The following RPL27 variants were observed in gnomAD, a reference collection of about 807,000 sequenced individuals.
RPL27 encodes large ribosomal subunit protein eL27.
For synonymous variants in RPL27, 77 were observed against 61.0 expected, an observed-to-expected ratio of 1.26 and a Z score of -1.22; for missense variants, 131 against 174.3, an observed-to-expected ratio of 0.75 and a Z score of 1.40.
chr17:43,000,578 C>T (rs1439268571), intron 3 of RPL27, among the ~76,000 whole-genome samples: 1 of 149,980 alleles, frequency 6.7e-6, no homozygotes. Flanking sequence ...GCTGGGAGTA[C>T]AGGCACCTGC....
At chr17:43,001,744 A>G (rs2151965883) in intron 3 of RPL27, among the ~76,000 whole-genome samples, 1 of 151,900 alleles carries the variant, frequency 6.6e-6, no homozygotes, top group Non-Finnish European at 1.5e-5. Context: ...AACTTGAACA[A>G]TAAGGAAATG....
chr17:42,999,001 G>A lies in RPL27; in HGVS notation c.81+170G>A, dbSNP rs2050330408. 5 of 584,500 alleles carry A rather than the reference G, an allele frequency of 8.6e-6. 1 individual carries two copies. Among genetic ancestry groups the A allele is most frequent in the South Asian group, 7.8e-5 (4 of 51,330 alleles). The allele number at this position is 584,500 out of a possible 1,614,324, so 36.2% of individuals were successfully genotyped here. Reference sequence around the variant, plus strand: ...AGGAAGAAGCACAGTAAAAGCAAATGTGAGCTGAATTGGGCTCCCAACGCA... The same window carrying A: ...AGGAAGAAGCACAGTAAAAGCAAATATGAGCTGAATTGGGCTCCCAACGCA... On this transcript the variant is annotated intron_variant, in intron 2 of 4. Transcript: ENST00000253788.
chr17:43,000,162 C>G, intron 3 of RPL27, 60 bp downstream of exon 3: 1 of 1,282,012 alleles, frequency 7.8e-7, no homozygotes, highest in Non-Finnish European at 1.1e-6. Context: ...AATAATGAGA[C>G]AGACCTTGCA....
intron 2 of RPL27, chr17:42,999,194 T>C: frequency 4.9e-6 from 1 of 203,616 alleles, no homozygotes; most frequent in Admixed American, 6.0e-5. Context: ...AGACGGGATC[T>C]CTGTCCAGGC....
intron 2 of RPL27, chr17:42,999,707 T>A: frequency 1.9e-6 from 1 of 518,932 alleles, no homozygotes; most frequent in Non-Finnish European, 3.4e-6. Context: ...TGTTGCTACT[T>A]TTAAATCTCT....
chr17:42,998,767 A>G lies in RPL27; in HGVS notation c.17A>G (p.Lys6Arg). 1 of 1,613,918 alleles carries G rather than the reference A, an allele frequency of 6.2e-7. No homozygotes were observed. Among genetic ancestry groups the G allele is most frequent in the Non-Finnish European group, 8.5e-7 (1 of 1,179,880 alleles). The change falls in exon 2 of 5, where the codon AAA becomes AGA. Residue 6 changes from lysine to arginine, a missense_variant. By Grantham distance (26) the Lys-to-Arg change is conservative. Coordinates refer to ENST00000253788, the MANE Select transcript of RPL27 (RefSeq NM_000988.5). ...TCTGCAGAAATGGGCAAGTTCATGA[A>G]ACCTGGGAAGGTGGTGCTTGTCCTG... MGKFM[K>R]PGKVVLVLAG... is the part of the protein sequence containing the mutation.
chr17:42,999,060 A>G lies in RPL27; in HGVS notation c.81+229A>G, dbSNP rs1597769670. The G allele has an allele frequency of 5.9e-6, 3 of 509,758 alleles. No individual in the cohort carries two copies. In the East Asian group the frequency reaches 1.1e-4, roughly 19 times the overall value. The allele number at this position is 509,758 out of a possible 1,614,324, so 31.6% of individuals were successfully genotyped here. On this transcript the variant is annotated intron_variant, in intron 2 of 4. Coordinates refer to ENST00000253788, the MANE Select transcript of RPL27 (RefSeq NM_000988.5). ...TCTCCACCAGAGGCTTTAAATATAT[A>G]GTAATAGTGGCTGACATTGCACGCT...
At chr17:42,999,539 C>T (rs900417124) in intron 2 of RPL27, 1 of 174,066 alleles carries the variant, frequency 5.7e-6, no homozygotes, top group Non-Finnish European at 1.2e-5. Flanking sequence ...CTGGAGTACC[C>T]CTGGATTCCC....
At chr17:43,000,499 A>ACGGAGTCGCCCAGGTTGGAGTGCAGTGG (rs2050349074) in intron 3 of RPL27, among the ~76,000 whole-genome samples, 4 of 137,794 alleles carry the variant, frequency 2.9e-5, no homozygotes, top group African/African-American at 1.1e-4. Flanking sequence ...TTTTTTTGAG[A>ACGGAGTCGCCCAGGTTGGAGTGCAGTGG]CGGAGTCGCC....
At chr17:43,002,849 T>C (rs1337469812) in intron 4 of RPL27, 23 bp from the exon 5 acceptor site, 4 of 1,612,772 alleles carry the variant, frequency 2.5e-6, no homozygotes, top group Middle Eastern at 1.7e-4. Context: ...TCCTCATTGG[T>C]GTCCTCTTTT....
At chr17:42,999,732 C>T (rs990383559) in intron 2 of RPL27, 3 of 554,334 alleles carry the variant, frequency 5.4e-6, no homozygotes, top group Non-Finnish European at 9.6e-6. Context: ...TCTAGTAAGC[C>T]GTTCCAGATG....
At chr17:43,001,492 G>T (rs1414693430) in intron 3 of RPL27, among the ~76,000 whole-genome samples, 2 of 151,224 alleles carry the variant, frequency 1.3e-5, no homozygotes, top group Non-Finnish European at 2.9e-5. Context: ...ATGGTGGCTG[G>T]CACATGTAAT....
At chr17:42,999,763 C>A in intron 2 of RPL27, 170 bp from the exon 3 acceptor site, 1 of 588,600 alleles carries the variant, frequency 1.7e-6, no homozygotes, top group Non-Finnish European at 3.0e-6. Context: ...GAGATAAACA[C>A]TGTTCTGTTT....
chr17:43,002,262 T>G (rs2151966091), intron 3 of RPL27, among the ~76,000 whole-genome samples: 1 of 151,904 alleles, frequency 6.6e-6, no homozygotes, highest in South Asian at 2.1e-4. Flanking sequence ...TCCCAGCATT[T>G]TGGGAGGCCA....
At chr17:43,001,887 CGAGACCATCCTGGCTAACACAGT>C (rs2050365975) in intron 3 of RPL27, among the ~76,000 whole-genome samples, 1 of 151,538 alleles carries the variant, frequency 6.6e-6, no homozygotes, top group African/African-American at 2.4e-5. Flanking sequence ...ATCAGGAGAT[CGAGACCATCCTGGCTAACACAGT>C]GAAACCCCGT....
intron 3 of RPL27, among the ~76,000 whole-genome samples, chr17:43,001,019 A>G (rs1442728408): frequency 1.3e-5 from 2 of 150,988 alleles, no homozygotes; most frequent in African/African-American, 4.9e-5. Flanking sequence ...ATTGTACTCC[A>G]GCCTGGGCAA....
upstream of RPL27, chr17:42,998,408 G>A: frequency 4.3e-6 from 1 of 231,564 alleles, no homozygotes; most frequent in South Asian, 4.6e-5. Flanking sequence ...TCCTCACCGG[G>A]GTGAAAGGTT....
At chr17:43,001,813 C>T (rs536523937) in intron 3 of RPL27, among the ~76,000 whole-genome samples, 8 of 151,492 alleles carry the variant, frequency 5.3e-5, no homozygotes, top group Non-Finnish European at 1.0e-4. Context: ...CTAATTTGGC[C>T]GGGCACAGTG....
In RPL27 at chr17:43,000,073, G is replaced by A. The variant is rs1209712853; in HGVS notation, c.222G>A (p.Val74=). 8.1e-6 allele frequency: 13 copies of A among 1,612,986 alleles called. No individual in the cohort carries two copies. The highest frequency in any genetic ancestry group is 1.3e-5 in the African/African-American group (1 of 74,900). Residue 74 remains valine, a synonymous_variant, in exon 3 of 5, where the codon GTG becomes GTA. Coordinates refer to ENST00000253788, the MANE Select transcript of RPL27 (RefSeq NM_000988.5). ...KRSKIKSFVK[V]YNYNHLMPTR... is the part of the protein sequence containing the mutation. ...CAAAGATAAAATCTTTTGTGAAAGT[G>A]TATAACTACAATCACCTAATGCCCA...
Sources: allele counts gnomAD v4.1 joint callset (sites outside exome capture counted in the v4.1 genomes callset), GRCh38; gene constraint gnomAD v4.1.1; transcripts MANE v1.5; gene names NCBI Gene and HGNC (gene_info 2026-07-23, HGNC 2026-07-21).